Variants in ATP11A observed in about 807,000 individuals in gnomAD.
ATP11A encodes ATPase phospholipid transporting 11A.
In ATP11A, 81 loss-of-function variants were observed where a neutral mutation model predicts 154.4. That is an observed-to-expected ratio of 0.52 (90% CI 0.44 to 0.63). The LOEUF (loss-of-function observed/expected upper bound fraction) is 0.63. Among genes scored for constraint, ATP11A ranks in the 30% least tolerant of loss-of-function variants. ATP11A has a pLI of 0.00. For synonymous variants in ATP11A, 623 were observed against 585.9 expected, an observed-to-expected ratio of 1.06 and a Z score of -0.91; for missense variants, 1,316 against 1,474.3, an observed-to-expected ratio of 0.89 and a Z score of 1.76.
At chr13:112,724,114 GCCCCCTTCTCCCCCATCGCCCCCTTCA>G (rs1424801433) in intron 1 of ATP11A, among the ~76,000 whole-genome samples, 28 of 40,936 alleles carry the variant, frequency 6.8e-4, no homozygotes, top group Non-Finnish European at 1.0e-3. Flanking sequence ...CGCCCCCTTC[GCCCCCTTCTCCCCCATCGCCCCCTTCA>G]CCCCCTTTGC....
chr13:112,826,600 A>G, intron 11 of ATP11A, 94 bp from the exon 12 acceptor site: 1 of 1,017,902 alleles, frequency 9.8e-7, no homozygotes, highest in Non-Finnish European at 1.6e-6. Flanking sequence ...GCGCTCGTAT[A>G]ACTTATGCCT....
intron 25 of ATP11A, among the ~76,000 whole-genome samples, chr13:112,865,011 T>C (rs1361609369): frequency 3.0e-4 from 40 of 131,216 alleles, no homozygotes; most frequent in African/African-American, 8.1e-4. Context: ...AGCTTCCCAG[T>C]GGGGACCATC....
intron 1 of ATP11A, among the ~76,000 whole-genome samples, chr13:112,710,943 G>T (rs111943928): frequency 6.6e-6 from 1 of 150,800 alleles, no homozygotes; most frequent in Admixed American, 6.6e-5. Flanking sequence ...CGGAGGGCAG[G>T]GCCCCTGCCA....
At position 112,875,651 on chromosome 13, in the gene ATP11A, G is replaced by A; in HGVS notation, c.3162-125G>A. 4.7e-6 allele frequency: 5 copies of A among 1,068,632 alleles called. No homozygotes were observed. Among genetic ancestry groups the A allele is most frequent in the South Asian group, 3.4e-5 (2 of 59,108 alleles). 66.2% of individuals were successfully genotyped at this position (1,068,632 alleles called of 1,614,324 possible). ...TGATAAATTCAGAGCAGGCTCCGTG[G>A]CTTGCCAAGCAACTCTCACTGACAA... On this transcript the variant is annotated intron_variant, in intron 27 of 29. Coordinates refer to ENST00000375645, the MANE Select transcript of ATP11A (RefSeq NM_015205.3). The surrounding 1 kb of genome is among the most constrained non-coding windows in gnomAD (Gnocchi z 4.1).
chr13:112,692,833 C>T (rs553093089), intron 1 of ATP11A, among the ~76,000 whole-genome samples: 4 of 152,276 alleles, frequency 2.6e-5, no homozygotes, highest in South Asian at 2.1e-4. Flanking sequence ...CTTGTAATTG[C>T]GTTATCGTCC....
intron 1 of ATP11A, among the ~76,000 whole-genome samples, chr13:112,707,208 G>A (rs1887234217): frequency 6.6e-6 from 1 of 152,086 alleles, no homozygotes; most frequent in Admixed American, 6.5e-5. Flanking sequence ...CTGAGGTCAG[G>A]CGTTTGAGAC....
intron 1 of ATP11A, among the ~76,000 whole-genome samples, chr13:112,773,111 C>T (rs34132740): frequency 6.6e-6 from 1 of 151,968 alleles, no homozygotes; most frequent in South Asian, 2.1e-4. Flanking sequence ...GTGAGGTGCT[C>T]CCTTGTGCCA....
chr13:112,852,198 A>G (rs1221975318), intron 18 of ATP11A, among the ~76,000 whole-genome samples: 2 of 152,192 alleles, frequency 1.3e-5, no homozygotes, highest in African/African-American at 4.8e-5. Flanking sequence ...GCCCCAATTG[A>G]TGAGAATGAA....
intron 1 of ATP11A, among the ~76,000 whole-genome samples, chr13:112,772,926 T>C (rs552003817): frequency 6.6e-6 from 1 of 152,352 alleles, no homozygotes; most frequent in South Asian, 2.1e-4. Flanking sequence ...GTACAATCTC[T>C]AATTGTTTAT....
chr13:112,732,895 G>C (rs1448257102), intron 1 of ATP11A, among the ~76,000 whole-genome samples: 1 of 152,178 alleles, frequency 6.6e-6, no homozygotes, highest in African/African-American at 2.4e-5. Context: ...TTACAGGTGT[G>C]AGTCACTGCA....
intron 9 of ATP11A, 21 bp downstream of exon 9, chr13:112,823,430 T>G: frequency 6.3e-7 from 1 of 1,576,728 alleles, no homozygotes. Flanking sequence ...AATTAATTAT[T>G]AACCATTGCC....
At position 112,863,097 on chromosome 13, in the gene ATP11A, C is replaced by T. The variant is rs1300606662; in HGVS notation, c.2991+522C>T. Among the ~76,000 whole-genome samples, 79 of 106,836 alleles carry T rather than the reference C, an allele frequency of 7.4e-4. 2 individuals are homozygous for T. Among genetic ancestry groups the T allele is most frequent in the African/African-American group, 2.4e-3 (66 of 27,114 alleles). The allele number at this position is 106,836 out of a possible 152,430, so 70.1% of individuals were successfully genotyped here. ...CATCACCACCTGCACAGTAATTCAG[C>T]GTAGCACATGCAGTTTCCCAGCGGG... On this transcript the variant is annotated intron_variant, in intron 25 of 29. Transcript: ENST00000375645.
intron 20 of ATP11A, chr13:112,856,617 G>A (rs2079935074): frequency 6.6e-6 from 1 of 152,276 alleles, no homozygotes; most frequent in African/African-American, 2.4e-5. Context: ...TGTTCTTGTG[G>A]GAAACGCACA....
At chr13:112,813,485 G>A (rs755239082) in intron 5 of ATP11A, among the ~76,000 whole-genome samples, 48 of 152,206 alleles carry the variant, frequency 3.2e-4, no homozygotes, top group Non-Finnish European at 5.6e-4. Context: ...TGATGGGGGC[G>A]TACTGCAGTT....
At chr13:112,818,906 C>T (rs575455267) in intron 6 of ATP11A, among the ~76,000 whole-genome samples, 2 of 152,164 alleles carry the variant, frequency 1.3e-5, no homozygotes, top group African/African-American at 2.4e-5. Flanking sequence ...AGGTTGTTGC[C>T]GAGAAGTGAA....
At chr13:112,841,391 C>T (rs1389720742) in intron 16 of ATP11A, among the ~76,000 whole-genome samples, 45 of 125,486 alleles carry the variant, frequency 3.6e-4, no homozygotes, top group South Asian at 1.1e-3. Context: ...AGGCACAAAC[C>T]AGCCGCCTGG....
At chr13:112,781,968 T>C (rs915453218) in intron 1 of ATP11A, among the ~76,000 whole-genome samples, 8 of 152,188 alleles carry the variant, frequency 5.3e-5, no homozygotes, top group African/African-American at 1.7e-4. Context: ...GTGTCTGTTA[T>C]GCTGACGAGG....
intron 1 of ATP11A, among the ~76,000 whole-genome samples, chr13:112,781,326 C>T (rs546446326): frequency 1.3e-5 from 2 of 152,274 alleles, no homozygotes; most frequent in African/African-American, 2.4e-5. Context: ...AGACATGAGC[C>T]ACCATGCCCG....
rs553808910 is a variant in ATP11A, at chr13:112,884,500, A to G, written c.*2634A>G. The G allele has an allele frequency of 2.6e-5, 4 of 152,394 alleles. No individual in the cohort carries two copies. The highest frequency in any genetic ancestry group is 3.9e-4 in the East Asian group (2 of 5,192). The allele number at this position is 152,394 out of a possible 1,614,324, so 9.4% of individuals were successfully genotyped here. On this transcript the variant is annotated 3_prime_UTR_variant, in exon 30 of 30. Transcript: ENST00000375645. The stretch of plus-strand genomic sequence containing the variant: ...ATGTGCCTGATGATTTGAAATAGAC[A>G]AGGGGCACGAGATAAAAAAGAAAAG...
Sources: gnomAD v4.1 joint callset for allele counts (sites outside exome capture counted in the v4.1 genomes callset) on GRCh38, gnomAD v4.1.1 for gene constraint, Gnocchi (gnomAD v3.1) non-coding constraint, MANE v1.5 for transcripts, NCBI Gene and HGNC (gene_info 2026-07-23, HGNC 2026-07-21) for gene names.